Variants in AGBL4 observed in about 807,000 individuals in gnomAD.
AGBL4 encodes AGBL carboxypeptidase 4, also known as cytosolic carboxypeptidase 6.
A neutral mutation model predicts 66.4 loss-of-function variants in AGBL4; 58 were observed. That is an observed-to-expected ratio of 0.87 (90% CI 0.71 to 1.09). AGBL4 has a LOEUF of 1.09. Among genes scored for constraint, AGBL4 ranks in the 50% least tolerant of loss-of-function variants. AGBL4 has a pLI of 0.00. For missense variants in AGBL4, 579 were observed against 631.0 expected, an observed-to-expected ratio of 0.92 and a Z score of 0.88; for synonymous variants, 234 against 222.9, an observed-to-expected ratio of 1.05 and a Z score of -0.44.
rs116017010 is a variant in AGBL4, at chr1:49,922,226, T to C, written c.35-70708A>G. Reference sequence around the variant, plus strand: ...TGATCACTGTGTATAAGCTTTTTCATGTTCTGCTGGATTCAGTTTGCCAAT... The same window carrying C: ...TGATCACTGTGTATAAGCTTTTTCACGTTCTGCTGGATTCAGTTTGCCAAT... On this transcript the variant is annotated intron_variant, in intron 1 of 13. Coordinates refer to ENST00000371839, the MANE Select transcript of AGBL4 (RefSeq NM_032785.4). 5.3e-3 allele frequency among the ~76,000 whole-genome samples: 805 copies of C among 152,334 alleles called. 3 individuals are homozygous for C. The highest frequency in any genetic ancestry group is 0.017 in the Middle Eastern group (5 of 294).
At position 49,283,838 on chromosome 1, in the gene AGBL4, G is replaced by A. The variant is rs562126212; in HGVS notation, c.283-37974C>T. 3.6e-3 allele frequency among the ~76,000 whole-genome samples: 524 copies of A among 146,294 alleles called. 5 individuals carry two copies. Among genetic ancestry groups the A allele is most frequent in the African/African-American group, 0.013 (508 of 39,148 alleles). On this transcript the variant is annotated intron_variant, in intron 3 of 13. Transcript: ENST00000371839. ...TAGAGAAAAAAGAATAAAAAGAAAT[G>A]AGCAAAGCCTCCAAGAAATATGGGA...
At chr1:49,498,548 A>G (rs1197491218) in intron 3 of AGBL4, among the ~76,000 whole-genome samples, 1 of 151,724 alleles carries the variant, frequency 6.6e-6, no homozygotes, top group Admixed American at 6.6e-5. Flanking sequence ...TTGTGTATAT[A>G]TACTACAGAG....
intron 3 of AGBL4, among the ~76,000 whole-genome samples, chr1:49,419,069 G>A (rs1309934583): frequency 2.0e-5 from 3 of 151,942 alleles, no homozygotes; most frequent in Admixed American, 6.6e-5. Context: ...TGTAGTAGAA[G>A]GCAAAATCAA....
intron 2 of AGBL4, among the ~76,000 whole-genome samples, chr1:49,701,310 G>A (rs1434889797): frequency 1.3e-5 from 2 of 151,696 alleles, no homozygotes; most frequent in Non-Finnish European, 2.9e-5. Flanking sequence ...AAAATGTAAT[G>A]TATACACATT....
chr1:48,882,135 T>C (rs3924451), intron 5 of AGBL4, among the ~76,000 whole-genome samples: 1,779 of 152,256 alleles, frequency 0.012, 31 homozygotes, highest in African/African-American at 0.04. Context: ...GTCTTTATAG[T>C]CTCAGGTAGT....
chr1:49,872,327 A>G (rs1646857252), intron 1 of AGBL4, among the ~76,000 whole-genome samples: 2 of 152,168 alleles, frequency 1.3e-5, no homozygotes, highest in Admixed American at 6.6e-5. Flanking sequence ...ATAAGAACCT[A>G]TTTTCTTTTA....
At chr1:49,257,867 G>C (rs1341655670) in intron 3 of AGBL4, among the ~76,000 whole-genome samples, 1 of 152,116 alleles carries the variant, frequency 6.6e-6, no homozygotes, top group South Asian at 2.1e-4. Context: ...CCTCTAGAGG[G>C]TCCCTGACCC....
At chr1:49,217,373 C>G (rs189314511) in intron 4 of AGBL4, among the ~76,000 whole-genome samples, 14 of 152,040 alleles carry the variant, frequency 9.2e-5, no homozygotes, top group Non-Finnish European at 1.9e-4. Context: ...TTTGCTGAAG[C>G]TATTATTTTG....
intron 4 of AGBL4, among the ~76,000 whole-genome samples, chr1:49,111,293 T>C (rs1201670545): frequency 6.6e-6 from 1 of 152,126 alleles, no homozygotes; most frequent in Non-Finnish European, 1.5e-5. Flanking sequence ...TTTGTACTTT[T>C]AGTAGAGACG....
intron 3 of AGBL4, among the ~76,000 whole-genome samples, chr1:49,470,287 C>G (rs947489919): frequency 2.0e-5 from 3 of 151,872 alleles, no homozygotes; most frequent in Admixed American, 2.0e-4. Flanking sequence ...TCAGATTATA[C>G]TCGCTCCATA....
At chr1:49,202,425 A>G (rs1358290466) in intron 4 of AGBL4, among the ~76,000 whole-genome samples, 1 of 152,166 alleles carries the variant, frequency 6.6e-6, no homozygotes, top group African/African-American at 2.4e-5. Context: ...GCATCAAGAC[A>G]GACATGTAGA....
chr1:49,214,408 A>T (rs751779006), intron 4 of AGBL4, among the ~76,000 whole-genome samples: 1 of 152,152 alleles, frequency 6.6e-6, no homozygotes, highest in African/African-American at 2.4e-5. Flanking sequence ...GCTAAATAAA[A>T]GCAGGTGGTA....
chr1:49,274,338 A>C (rs1208357390), intron 3 of AGBL4, among the ~76,000 whole-genome samples: 7 of 152,304 alleles, frequency 4.6e-5, no homozygotes, highest in Admixed American at 3.9e-4. Context: ...TGTTATAATC[A>C]TATAAAAAAT....
chr1:49,622,426 G>A (rs1294819013), intron 3 of AGBL4, among the ~76,000 whole-genome samples: 1 of 151,472 alleles, frequency 6.6e-6, no homozygotes, highest in Non-Finnish European at 1.5e-5. Context: ...TCAGGAGATC[G>A]AGACCATCCC....
At chr1:49,671,623 TAAAC>T (rs1300607584) in intron 3 of AGBL4, among the ~76,000 whole-genome samples, 2 of 151,740 alleles carry the variant, frequency 1.3e-5, no homozygotes, top group African/African-American at 4.8e-5. Context: ...AAAAAGAACT[TAAAC>T]AAATTTACAA....
At chr1:48,558,746 T>A (rs1359333543) in intron 11 of AGBL4, among the ~76,000 whole-genome samples, 1 of 152,248 alleles carries the variant, frequency 6.6e-6, no homozygotes, top group Non-Finnish European at 1.5e-5. Flanking sequence ...TTGATGATGC[T>A]GAGTCCTTAG....
Position 48,872,898 on chromosome 1 carries a change from G to C in AGBL4, c.595-5668C>G, listed in dbSNP as rs143142732. ...AAAAAGGAAGAATCACTCTAAACGG[G>C]GGAGCAACAGGCAGAGTGGGGGAAT... On this transcript the variant is annotated intron_variant, in intron 5 of 13. Transcript: ENST00000371839. Among the ~76,000 whole-genome samples the C allele has an allele frequency of 5.3e-5, 8 of 152,278 alleles. No homozygotes were observed. In the East Asian group the frequency reaches 1.5e-3, roughly 29 times the overall value.
intron 3 of AGBL4, among the ~76,000 whole-genome samples, chr1:49,453,972 T>C (rs1002545322): frequency 2.0e-5 from 3 of 151,772 alleles, no homozygotes; most frequent in Non-Finnish European, 4.4e-5. Context: ...CCAAAATTCA[T>C]TAGTGATTTT....
intron 2 of AGBL4, among the ~76,000 whole-genome samples, chr1:49,701,735 AATTG>A (rs1267097153): frequency 6.6e-6 from 1 of 152,148 alleles, no homozygotes; most frequent in Non-Finnish European, 1.5e-5. Context: ...GACAACTTTA[AATTG>A]ATTGGCTAAC....
Sources: gnomAD v4.1 joint callset for allele counts (sites outside exome capture counted in the v4.1 genomes callset) on GRCh38, gnomAD v4.1.1 for gene constraint, MANE v1.5 for transcripts, NCBI Gene and HGNC (gene_info 2026-07-23, HGNC 2026-07-21) for gene names.